Variants in SCMH1 observed in about 807,000 individuals in gnomAD.
SCMH1 encodes Scm polycomb group protein homolog 1.
A neutral mutation model predicts 70.8 loss-of-function variants in SCMH1; 37 were observed. That is an observed-to-expected ratio of 0.52 (90% CI 0.40 to 0.69). The LOEUF (loss-of-function observed/expected upper bound fraction) is 0.69. SCMH1 is among the 30% of genes least tolerant of loss of function. The pLI, the probability that SCMH1 is intolerant of heterozygous loss-of-function variation, is 0.00. For synonymous variants in SCMH1, 292 were observed against 307.4 expected (o/e 0.95, Z 0.52); for missense variants, 607 against 827.3 (o/e 0.73, Z 3.27).
intron 1 of SCMH1, among the ~76,000 whole-genome samples, chr1:41,217,422 G>A (rs777618909): frequency 6.6e-6 from 1 of 152,148 alleles, no homozygotes; most frequent in Non-Finnish European, 1.5e-5. Flanking sequence ...AAGCAAAAAA[G>A]GAACAGCACT....
chr1:41,040,756 C>T (rs900864045), intron 12 of SCMH1, among the ~76,000 whole-genome samples: 1 of 152,080 alleles, frequency 6.6e-6, no homozygotes, highest in East Asian at 1.9e-4. Context: ...CCCAGCTACT[C>T]GGGAGGCTGA....
chr1:41,240,773 T>C (rs1467667306), intron 1 of SCMH1, among the ~76,000 whole-genome samples: 3 of 149,936 alleles, frequency 2.0e-5, no homozygotes, highest in African/African-American at 7.4e-5. Context: ...AAGTTCAAAA[T>C]ACAGTACAGA....
intron 8 of SCMH1, among the ~76,000 whole-genome samples, chr1:41,092,554 A>G (rs1010187672): frequency 1.3e-5 from 2 of 152,248 alleles, no homozygotes; most frequent in African/African-American, 4.8e-5. Context: ...GCTTCTGCAC[A>G]GCAAAAGAAC....
At chr1:41,137,455 AC>A (rs933559138) in intron 6 of SCMH1, among the ~76,000 whole-genome samples, 189 of 152,336 alleles carry the variant, frequency 1.2e-3, no homozygotes, top group African/African-American at 4.4e-3. Flanking sequence ...ACACACACAC[AC>A]ACATACACCT....
chr1:41,232,860 T>A (rs1310815707), intron 1 of SCMH1, among the ~76,000 whole-genome samples: 1 of 152,214 alleles, frequency 6.6e-6, no homozygotes. Context: ...CTTTCACAAA[T>A]TGGATAAATG....
chr1:41,208,819 C>T (rs960528473), intron 1 of SCMH1, among the ~76,000 whole-genome samples: 3 of 152,136 alleles, frequency 2.0e-5, no homozygotes, highest in Non-Finnish European at 2.9e-5. Context: ...ATTAAAAGAA[C>T]TAGAGAGGCA....
intron 8 of SCMH1, among the ~76,000 whole-genome samples, chr1:41,112,242 G>A (rs1270552775): frequency 2.0e-5 from 3 of 152,152 alleles, no homozygotes; most frequent in African/African-American, 4.8e-5. Context: ...TGTACTCTCA[G>A]CTTGGCTTAC....
intron 13 of SCMH1, among the ~76,000 whole-genome samples, chr1:41,036,064 C>G (rs1330511826): frequency 6.6e-6 from 1 of 152,116 alleles, no homozygotes; most frequent in Non-Finnish European, 1.5e-5. Flanking sequence ...TTGGTGGGCT[C>G]ACCTTCCCGT....
intron 6 of SCMH1, among the ~76,000 whole-genome samples, chr1:41,117,714 A>G (rs1278501199): frequency 6.6e-6 from 1 of 152,166 alleles, no homozygotes; most frequent in Non-Finnish European, 1.5e-5. Flanking sequence ...GAAAGTACTA[A>G]AAGTCTCTGA....
intron 2 of SCMH1, among the ~76,000 whole-genome samples, chr1:41,181,565 A>C (rs1648781172): frequency 6.6e-6 from 1 of 152,250 alleles, no homozygotes; most frequent in African/African-American, 2.4e-5. Context: ...TCTCAAAAGA[A>C]GACATTTATG....
chr1:41,137,702 C>G (rs909269811), intron 6 of SCMH1, among the ~76,000 whole-genome samples: 4 of 152,210 alleles, frequency 2.6e-5, no homozygotes, highest in Non-Finnish European at 5.9e-5. Context: ...GCAAGTTCCA[C>G]CAACATAGCA....
chr1:41,100,063 T>C (rs1347876558), intron 8 of SCMH1, among the ~76,000 whole-genome samples: 1 of 152,178 alleles, frequency 6.6e-6, no homozygotes, highest in East Asian at 1.9e-4. Flanking sequence ...ACTCTGATTA[T>C]TGATTATATA....
At chr1:41,066,752 A>T (rs1654737455) in intron 10 of SCMH1, among the ~76,000 whole-genome samples, 1 of 151,326 alleles carries the variant, frequency 6.6e-6, no homozygotes, top group Admixed American at 6.6e-5. Flanking sequence ...CCAGCTGGCT[A>T]TTTTTTTTGT....
intron 2 of SCMH1, among the ~76,000 whole-genome samples, chr1:41,180,101 C>G (rs1437183918): frequency 8.5e-5 from 13 of 152,098 alleles, no homozygotes; most frequent in Admixed American, 5.9e-4. Context: ...TAAACAGAAC[C>G]AACGACAAAA....
At position 41,113,195 on chromosome 1, in the gene SCMH1, T is replaced by C; in HGVS notation, c.745+88A>G. 1 of 1,501,896 alleles carries C rather than the reference T, an allele frequency of 6.7e-7. No homozygotes were observed. The highest frequency in any genetic ancestry group is 9.0e-7 in the Non-Finnish European group (1 of 1,115,764). 93.0% of individuals were successfully genotyped at this position (1,501,896 alleles called of 1,614,324 possible). ...TCCTCCCCTGCATACTAGTGAAGTA[T>C]ACTGGTGAAGATATGATCATGACAG... On this transcript the variant is annotated intron_variant, in intron 8 of 14. Transcript: ENST00000337495. The surrounding 1 kb of genome is among the most constrained non-coding windows in gnomAD (Gnocchi z 4.3).
chr1:41,185,483 C>A (rs1649931416), intron 2 of SCMH1, among the ~76,000 whole-genome samples: 1 of 152,128 alleles, frequency 6.6e-6, no homozygotes, highest in Admixed American at 6.5e-5. Context: ...TCCCATGCCC[C>A]TTCTTCTTTT....
chr1:41,170,366 G>A (rs774621754), intron 2 of SCMH1, among the ~76,000 whole-genome samples: 14 of 152,282 alleles, frequency 9.2e-5, no homozygotes, highest in African/African-American at 2.2e-4. Context: ...TGGCCCTAGC[G>A]TGCTTCAGTT....
intron 13 of SCMH1, among the ~76,000 whole-genome samples, chr1:41,034,332 CTTTTT>C (rs112747228): frequency 1.9e-4 from 27 of 145,846 alleles, no homozygotes; most frequent in East Asian, 1.2e-3. Flanking sequence ...CTTTTCTTTT[CTTTTT>C]TTTTTTTTGA....
intron 6 of SCMH1, among the ~76,000 whole-genome samples, chr1:41,132,881 G>A (rs1348932692): frequency 6.6e-6 from 1 of 152,138 alleles, no homozygotes; most frequent in African/African-American, 2.4e-5. Flanking sequence ...TGAGGCCTCT[G>A]TACTGTTCCA....
Sources: allele counts gnomAD v4.1 joint callset (sites outside exome capture counted in the v4.1 genomes callset), GRCh38; gene constraint gnomAD v4.1.1; non-coding constraint Gnocchi (gnomAD v3.1); transcripts MANE v1.5; gene names NCBI Gene and HGNC (gene_info 2026-07-23, HGNC 2026-07-21).